Variants in FGGY observed in about 807,000 individuals in gnomAD.
FGGY encodes the protein FGGY carbohydrate kinase domain-containing protein.
Under a neutral mutation model 71.3 loss-of-function variants are expected in FGGY, and 72 were observed. The ratio of observed to expected loss-of-function variants is 1.01; its 90% CI spans 0.84 to 1.23. The LOEUF (loss-of-function observed/expected upper bound fraction) is 1.23, where lower values mean the gene tolerates loss of function less well. Ranked by LOEUF, FGGY falls within the 50% of genes most tolerant of loss-of-function variation. The pLI, the probability that FGGY is intolerant of heterozygous loss-of-function variation, is 0.00. For missense variants in FGGY, 668 were observed against 682.3 expected, an observed-to-expected ratio of 0.98 and a Z score of 0.23; for synonymous variants, 251 against 250.3, an observed-to-expected ratio of 1.00 and a Z score of -0.02.
intron 5 of FGGY, among the ~76,000 whole-genome samples, chr1:59,423,343 T>C (rs1434465622): frequency 6.6e-6 from 1 of 152,168 alleles, no homozygotes; most frequent in Non-Finnish European, 1.5e-5. Flanking sequence ...TTTGGCACCT[T>C]GTAACAGACC....
intron 9 of FGGY, 139 bp downstream of exon 9, chr1:59,608,049 C>T: frequency 3.2e-6 from 2 of 631,624 alleles, no homozygotes; most frequent in Non-Finnish European, 5.6e-6. Flanking sequence ...TAGTGCACAG[C>T]CTAACATGTC....
chr1:59,613,108 G>A (rs2096708497), intron 9 of FGGY, among the ~76,000 whole-genome samples: 1 of 152,144 alleles, frequency 6.6e-6, no homozygotes, highest in Non-Finnish European at 1.5e-5. Flanking sequence ...ACGTTAACAA[G>A]GATATCCAGG....
chr1:59,533,405 G>C (rs2095216586), intron 7 of FGGY, among the ~76,000 whole-genome samples: 1 of 152,234 alleles, frequency 6.6e-6, no homozygotes, highest in South Asian at 2.1e-4. Flanking sequence ...AAACTGCAAG[G>C]CTGCAGCGAG....
intron 5 of FGGY, among the ~76,000 whole-genome samples, chr1:59,422,321 T>C (rs1293107142): frequency 2.0e-5 from 3 of 152,198 alleles, no homozygotes; most frequent in African/African-American, 7.2e-5. Context: ...CAGATTGAGG[T>C]TGTATTTCCA....
At chr1:59,565,068 T>C (rs1403316236) in intron 8 of FGGY, among the ~76,000 whole-genome samples, 1 of 151,486 alleles carries the variant, frequency 6.6e-6, no homozygotes, top group African/African-American at 2.4e-5. Flanking sequence ...GGGATGGGGG[T>C]GGTATATGGG....
At chr1:59,735,757 G>A (rs1292923326) in intron 14 of FGGY, among the ~76,000 whole-genome samples, 2 of 152,218 alleles carry the variant, frequency 1.3e-5, no homozygotes, top group Non-Finnish European at 2.9e-5. Context: ...AGTAAGCTGA[G>A]TCTCAACTGT....
intron 13 of FGGY, among the ~76,000 whole-genome samples, chr1:59,669,346 CT>C (rs957722109): frequency 2.6e-5 from 4 of 152,088 alleles, no homozygotes; most frequent in African/African-American, 9.7e-5. Flanking sequence ...GATGACGCCA[CT>C]TTCCTGAGAT....
At chr1:59,502,555 A>T (rs1161988940) in intron 6 of FGGY, among the ~76,000 whole-genome samples, 1 of 152,186 alleles carries the variant, frequency 6.6e-6, no homozygotes, top group Non-Finnish European at 1.5e-5. Context: ...CACTCCTGGA[A>T]TCTGTTGAAT....
chr1:59,688,380 C>G (rs529592641), intron 14 of FGGY, among the ~76,000 whole-genome samples: 1 of 152,292 alleles, frequency 6.6e-6, no homozygotes, highest in African/African-American at 2.4e-5. Context: ...GTCCTAGAAC[C>G]TGTTTATGGG....
rs79670070 is a variant in FGGY, at chr1:59,630,428, G to A, written c.1073+4379G>A. Among the ~76,000 whole-genome samples the A allele has an allele frequency of 7.6e-3, 1,150 of 152,232 alleles. 18 individuals carry two copies. Among genetic ancestry groups the A allele is most frequent in the African/African-American group, 0.026 (1,097 of 41,532 alleles). On this transcript the variant is annotated intron_variant, in intron 10 of 15. Transcript: ENST00000303721. ...AAAGCATGGAGGAACAGCAAGGACA[G>A]GGACTGTGAATTAGAGTCCTTGAGT... is the stretch of plus-strand genomic sequence containing the variant.
rs145939901 is a variant in FGGY, at chr1:59,556,893, G to A, written c.903+2666G>A. 4.6e-3 allele frequency among the ~76,000 whole-genome samples: 701 copies of A among 152,278 alleles called. 4 individuals carry two copies. The highest frequency in any genetic ancestry group is 7.8e-3 in the Non-Finnish European group (533 of 68,016). On this transcript the variant is annotated intron_variant, in intron 8 of 15. Transcript: ENST00000303721. ...CTGCAGTTGGTTGCGATGAATGAGG[G>A]CCATAAAAGGCCAGTTTATGATGGC...
chr1:59,662,651 T>C (rs1289020741), intron 12 of FGGY, among the ~76,000 whole-genome samples: 1 of 152,202 alleles, frequency 6.6e-6, no homozygotes, highest in Admixed American at 6.5e-5. Context: ...TATGTTTAGA[T>C]ATGTTCAGAT....
intron 9 of FGGY, among the ~76,000 whole-genome samples, chr1:59,619,978 C>T (rs371991945): frequency 6.6e-6 from 1 of 151,934 alleles, no homozygotes; most frequent in Non-Finnish European, 1.5e-5. Context: ...TTGACCTTCA[C>T]ACCCTGATGG....
intron 11 of FGGY, among the ~76,000 whole-genome samples, chr1:59,650,050 C>A (rs1242061018): frequency 6.7e-6 from 1 of 148,522 alleles, no homozygotes; most frequent in Non-Finnish European, 1.5e-5. Context: ...TGCTGGATTA[C>A]ATTTATTGAT....
intron 10 of FGGY, among the ~76,000 whole-genome samples, chr1:59,633,263 G>A (rs1312181437): frequency 6.6e-6 from 1 of 152,132 alleles, no homozygotes; most frequent in Admixed American, 6.5e-5. Flanking sequence ...GCCCGCCTCG[G>A]CCTCCCAAAG....
At chr1:59,539,128 A>G (rs960490953) in intron 7 of FGGY, among the ~76,000 whole-genome samples, 3 of 152,222 alleles carry the variant, frequency 2.0e-5, no homozygotes, top group African/African-American at 4.8e-5. Flanking sequence ...TAAAGAAGTC[A>G]TAAATAAATC....
intron 8 of FGGY, among the ~76,000 whole-genome samples, chr1:59,555,086 C>G (rs941047815): frequency 3.2e-4 from 48 of 152,162 alleles, no homozygotes; most frequent in African/African-American, 1.1e-3. Context: ...ATCAGATATT[C>G]TAGTTCAGTT....
intron 8 of FGGY, among the ~76,000 whole-genome samples, chr1:59,558,821 G>A (rs967610114): frequency 7.7e-5 from 8 of 103,556 alleles, no homozygotes; most frequent in African/African-American, 4.0e-4. Flanking sequence ...TCCCAGAGTG[G>A]CTTTTATAGA....
At chr1:59,741,293 G>T (rs930488175) in intron 14 of FGGY, among the ~76,000 whole-genome samples, 2 of 152,148 alleles carry the variant, frequency 1.3e-5, no homozygotes. Context: ...TGGAGCTCAT[G>T]AATGGTTTAG....
Sources: allele counts gnomAD v4.1 joint callset (sites outside exome capture counted in the v4.1 genomes callset), GRCh38; gene constraint gnomAD v4.1.1; transcripts MANE v1.5; gene names NCBI Gene and HGNC (gene_info 2026-07-23, HGNC 2026-07-21).